The following CACNG3 variants were observed in gnomAD, a reference collection of about 807,000 sequenced individuals.
CACNG3 encodes voltage-dependent calcium channel gamma-3 subunit.
Under a neutral mutation model 28.5 loss-of-function variants are expected in CACNG3, and 3 were observed. The observed-to-expected ratio is 0.11, with a 90% confidence interval of 0.05 to 0.27. The LOEUF (loss-of-function observed/expected upper bound fraction) is 0.27. CACNG3 is among the 10% of genes least tolerant of loss of function. The probability of loss-of-function intolerance (pLI) is 1.00; values close to 1 mark genes in which losing one functional copy is unlikely to be tolerated. For synonymous variants in CACNG3, 174 were observed against 162.2 expected (o/e 1.07, Z -0.55); for missense variants, 236 against 414.4 (o/e 0.57, Z 3.74).
intron 1 of CACNG3, among the ~76,000 whole-genome samples, chr16:24,317,757 C>T (rs555602943): frequency 2.6e-5 from 4 of 151,838 alleles, no homozygotes; most frequent in Admixed American, 2.6e-4. Flanking sequence ...CGGGTCCCAC[C>T]CCAGACCTGC....
intron 1 of CACNG3, among the ~76,000 whole-genome samples, chr16:24,308,839 CAAAAAAAAAAAA>C (rs71154298): frequency 1.2e-3 from 32 of 27,270 alleles, no homozygotes; most frequent in South Asian, 4.3e-3. Context: ...GAACCTACCT[CAAAAAAAAAAAA>C]AAAAAAAAAA....
At chr16:24,292,169 G>A (rs1942634815) in intron 1 of CACNG3, among the ~76,000 whole-genome samples, 1 of 152,120 alleles carries the variant, frequency 6.6e-6, no homozygotes, top group African/African-American at 2.4e-5. Context: ...GCGCTGGAAG[G>A]GAGGGATTTG....
intron 1 of CACNG3, among the ~76,000 whole-genome samples, chr16:24,308,235 A>T (rs1899212081): frequency 6.6e-6 from 1 of 152,226 alleles, no homozygotes; most frequent in Non-Finnish European, 1.5e-5. Context: ...TTGGTGGGTC[A>T]TTCCTAGGTC....
At chr16:24,277,178 T>C (rs1898763270) in intron 1 of CACNG3, among the ~76,000 whole-genome samples, 1 of 152,206 alleles carries the variant, frequency 6.6e-6, no homozygotes, top group Admixed American at 6.5e-5. Flanking sequence ...CATGTCACCC[T>C]GTCCTCAGTC....
chr16:24,287,211 C>T (rs2341934), intron 1 of CACNG3, among the ~76,000 whole-genome samples: 66,457 of 151,994 alleles, frequency 0.44, 15,026 homozygotes, highest in East Asian at 0.69. Context: ...GCAACAGGTA[C>T]GCATGATTAA....
intron 1 of CACNG3, among the ~76,000 whole-genome samples, chr16:24,278,529 T>C (rs1898780883): frequency 2.0e-5 from 3 of 152,032 alleles, no homozygotes; most frequent in African/African-American, 4.8e-5. Context: ...GGCAGGAGAA[T>C]TGCTTGAACC....
intron 1 of CACNG3, among the ~76,000 whole-genome samples, chr16:24,263,652 G>C (rs1406899680): frequency 6.6e-6 from 1 of 152,130 alleles, no homozygotes; most frequent in Non-Finnish European, 1.5e-5. Context: ...CTGACTATGA[G>C]ACCTTGAAAG....
At chr16:24,289,182 TCC>T (rs1442331062) in intron 1 of CACNG3, among the ~76,000 whole-genome samples, 23 of 152,036 alleles carry the variant, frequency 1.5e-4, no homozygotes, top group Non-Finnish European at 3.2e-4. Context: ...GGAAAGAGCT[TCC>T]CCTCTCCTTC....
chr16:24,356,678 G>T (rs186514358), intron 3 of CACNG3, among the ~76,000 whole-genome samples: 1 of 152,178 alleles, frequency 6.6e-6, no homozygotes, highest in African/African-American at 2.4e-5. Context: ...CTCCAGCCTG[G>T]GTGACAGAGC....
chr16:24,333,484 T>C (rs1193935168), intron 1 of CACNG3: 1 of 152,538 alleles, frequency 6.6e-6, no homozygotes, highest in Non-Finnish European at 1.5e-5. Context: ...TGTGTTTCAA[T>C]TTAGCCACTT....
chr16:24,361,775 C>G lies in CACNG3; in HGVS notation c.860C>G (p.Ala287Gly), dbSNP rs1224741138. 1.9e-6 allele frequency: 3 copies of G among 1,614,088 alleles called. No individual in the cohort carries two copies. The change falls in exon 4 of 4, where the codon GCT (alanine) becomes GGT (glycine). Residue 287 changes from alanine to glycine, a missense_variant. Transcript: ENST00000005284. This position sits in a 1 kb window ranked among gnomAD's most constrained non-coding sequence, Gnocchi z 6.8. ...GTLLNSDRDH[A>G]FLQFHNSTPK... ...CTCCTCAACTCCGACCGGGACCACG[C>G]TTTTCTACAGTTCCACAATTCCACA...
chr16:24,258,547 A>G (rs1898499345), intron 1 of CACNG3, among the ~76,000 whole-genome samples: 1 of 152,254 alleles, frequency 6.6e-6, no homozygotes, highest in Non-Finnish European at 1.5e-5. Context: ...ATATACTGAC[A>G]GAAATTCTAG....
Position 24,348,356 on chromosome 16 carries a change from G to GTGATCGTGCCATTGCAT in CACNG3, c.295+1544_295+1560dup, listed in dbSNP as rs536673368. Among the ~76,000 whole-genome samples the GTGATCGTGCCATTGCAT allele has an allele frequency of 5.3e-3, 810 of 152,236 alleles. 3 individuals are homozygous for GTGATCGTGCCATTGCAT. The highest frequency in any genetic ancestry group is 0.018 in the African/African-American group (734 of 41,540). Reference sequence around the variant, plus strand: ...AAGCTGAGGCTGCAGTGCCATTGCAGTGATCGTGCCATTGCATTGATTGTG... The same window carrying GTGATCGTGCCATTGCAT: ...AAGCTGAGGCTGCAGTGCCATTGCAGTGATCGTGCCATTGCATTGATCGTGCCATTGCATTGATTGTG... On this transcript the variant is annotated intron_variant, in intron 2 of 3. Transcript: ENST00000005284.
chr16:24,257,207 C>G (rs1282646845), intron 1 of CACNG3, among the ~76,000 whole-genome samples: 1 of 151,916 alleles, frequency 6.6e-6, no homozygotes. Flanking sequence ...CTCTAGGCAG[C>G]TTCTGCAGTT....
intron 1 of CACNG3, among the ~76,000 whole-genome samples, chr16:24,269,807 GAGAA>G (rs949239671): frequency 8.5e-5 from 12 of 140,654 alleles, no homozygotes; most frequent in South Asian, 2.3e-4. Flanking sequence ...AAGAAAGAAA[GAGAA>G]AGAAAGGAGA....
intron 1 of CACNG3, among the ~76,000 whole-genome samples, chr16:24,284,550 C>A (rs1898869286): frequency 6.6e-6 from 1 of 152,134 alleles, no homozygotes. Flanking sequence ...TAATTGGTGT[C>A]ATTTCTTCCA....
At chr16:24,358,483 C>A (rs2141385525) in intron 3 of CACNG3, among the ~76,000 whole-genome samples, 1 of 152,302 alleles carries the variant, frequency 6.6e-6, no homozygotes, top group Non-Finnish European at 1.5e-5. Context: ...CACATAGTAG[C>A]TGTTATCATG....
In CACNG3 at chr16:24,362,071, A is replaced by C; in HGVS notation, c.*208A>C. ...TCTAACTTTTCAAGCCAATCCCTTA[A>C]TGTCATTCCTCTCTCTGTGTATCTG... On this transcript the variant is annotated 3_prime_UTR_variant, in exon 4 of 4. Transcript: ENST00000005284. 1 of 500,694 alleles carries C rather than the reference A, an allele frequency of 2.0e-6. No homozygotes were observed. The highest frequency in any genetic ancestry group is 3.5e-6 in the Non-Finnish European group (1 of 287,204). The allele number at this position is 500,694 out of a possible 1,614,324, so 31.0% of individuals were successfully genotyped here.
At chr16:24,332,464 C>CA (rs397955620) in intron 1 of CACNG3, among the ~76,000 whole-genome samples, 97,521 of 135,324 alleles carry the variant, frequency 0.72, 34,734 homozygotes, top group Middle Eastern at 0.86. Context: ...GACCCTGTCT[C>CA]AAAAAAAAAA....
Sources: gnomAD v4.1 joint callset for allele counts (sites outside exome capture counted in the v4.1 genomes callset) on GRCh38, gnomAD v4.1.1 for gene constraint, Gnocchi (gnomAD v3.1) non-coding constraint, MANE v1.5 for transcripts, NCBI Gene and HGNC (gene_info 2026-07-23, HGNC 2026-07-21) for gene names.